The following LRIG3 variants were observed in gnomAD, a reference collection of about 807,000 sequenced individuals.
LRIG3 encodes the protein leucine-rich repeats and immunoglobulin-like domains protein 3.
Under a neutral mutation model 114.5 loss-of-function variants are expected in LRIG3, and 76 were observed. That is an observed-to-expected ratio of 0.66 (90% confidence interval 0.55 to 0.80). LRIG3 has a LOEUF of 0.80. LRIG3 is among the 30% of genes least tolerant of loss of function. The probability of loss-of-function intolerance (pLI) is 0.00; values close to 1 mark genes in which losing one functional copy is unlikely to be tolerated. For synonymous variants in LRIG3, 512 were observed against 519.8 expected (o/e 0.98, Z 0.20); for missense variants, 1,239 against 1,382.8 (o/e 0.90, Z 1.65).
intron 3 of LRIG3, among the ~76,000 whole-genome samples, chr12:58,900,323 G>A (rs964440601): frequency 1.3e-5 from 2 of 149,246 alleles, no homozygotes; most frequent in African/African-American, 5.0e-5. Flanking sequence ...ATTTCTCTAA[G>A]TCAGTTACAA....
intron 3 of LRIG3, among the ~76,000 whole-genome samples, chr12:58,910,812 A>G (rs1249959536): frequency 6.6e-6 from 1 of 152,232 alleles, no homozygotes; most frequent in Non-Finnish European, 1.5e-5. Context: ...ACAATGCTGT[A>G]GAACTCACAG....
intron 12 of LRIG3, among the ~76,000 whole-genome samples, chr12:58,881,933 A>G (rs1157982873): frequency 6.6e-6 from 1 of 152,222 alleles, no homozygotes; most frequent in Non-Finnish European, 1.5e-5. Flanking sequence ...TCTTGGGACT[A>G]AAAAACTATG....
chr12:58,910,614 A>G (rs1872240805), intron 3 of LRIG3, among the ~76,000 whole-genome samples: 1 of 152,132 alleles, frequency 6.6e-6, no homozygotes, highest in South Asian at 2.1e-4. Flanking sequence ...TCTCAAAAAA[A>G]AACAAAAACA....
At chr12:58,875,605 AC>A (rs1565612991) in intron 16 of LRIG3, among the ~76,000 whole-genome samples, 2 of 152,222 alleles carry the variant, frequency 1.3e-5, no homozygotes, top group African/African-American at 4.8e-5. Context: ...TTGCACAAGT[AC>A]CTCACCAGAA....
intron 3 of LRIG3, among the ~76,000 whole-genome samples, chr12:58,904,671 T>G (rs1592308121): frequency 6.6e-6 from 1 of 152,152 alleles, no homozygotes; most frequent in Non-Finnish European, 1.5e-5. Flanking sequence ...ACAAGTCTTA[T>G]TAAGGAAAAC....
In LRIG3 at chr12:58,880,345, C is replaced by T; in HGVS notation, c.1801+236G>A. 10 of 644,002 alleles carry T rather than the reference C, an allele frequency of 1.6e-5. No homozygotes were observed. In the South Asian group the frequency reaches 1.7e-4, roughly 11 times the overall value. The allele number at this position is 644,002 out of a possible 1,614,324, so 39.9% of individuals were successfully genotyped here. On this transcript the variant is annotated intron_variant, in intron 13 of 18. Transcript: ENST00000320743. ...GAAAAAAAAAAGAGCAAAAACATGT[C>T]TGGTTCATCTCTGTGTTACTCACCA... is the stretch of plus-strand genomic sequence containing the variant.
rs1171739434 is a variant in LRIG3 at position 58,880,645 on chromosome 12, A to T, written c.1737T>A (p.Tyr579Ter). ...CAAAGTGATTGGAGATGACACACTG[A>T]TATTTCCCCTCACTGGCAAATTCCA... The part of the protein sequence containing the change: ...REVEFASEGK[Y>*]QCVISNHFGS... Residue 579 changes from tyrosine to a stop codon, truncating the protein, a stop_gained, in exon 13 of 19, where the codon TAT becomes TAA. Coordinates refer to ENST00000320743, the MANE Select transcript of LRIG3 (RefSeq NM_153377.5). LOFTEE classifies it high-confidence loss of function. 1 of 1,614,142 alleles carries T rather than the reference A, an allele frequency of 6.2e-7. No homozygotes were observed.
intron 18 of LRIG3, 37 bp from the exon 19 acceptor site, chr12:58,872,853 T>C (rs754355006): frequency 2.5e-6 from 4 of 1,586,568 alleles, no homozygotes; most frequent in South Asian, 2.3e-5. Flanking sequence ...ATGGGTCCCT[T>C]TGCTAGCATG....
chr12:58,907,481 T>C (rs1169809290), intron 3 of LRIG3, among the ~76,000 whole-genome samples: 1 of 152,206 alleles, frequency 6.6e-6, no homozygotes, highest in African/African-American at 2.4e-5. Context: ...ATTCCTCCTG[T>C]GACCCTCCCA....
intron 16 of LRIG3, among the ~76,000 whole-genome samples, 175 bp from the exon 17 acceptor site, chr12:58,874,748 A>G (rs1870861095): frequency 6.6e-6 from 1 of 152,216 alleles, no homozygotes; most frequent in African/African-American, 2.4e-5. Context: ...GGACTTAATT[A>G]GCCATTGTGC....
rs1396115563 is a variant in LRIG3 at position 58,872,164 on chromosome 12, C to T, written c.*408G>A. 2 of 152,524 alleles carry T rather than the reference C, an allele frequency of 1.3e-5. No individual in the cohort carries two copies. The highest frequency in any genetic ancestry group is 6.5e-5 in the Admixed American group (1 of 15,298). 9.4% of individuals were successfully genotyped at this position (152,524 alleles called of 1,614,324 possible). Reference sequence around the variant, plus strand: ...TAAATGGGGCTTGGCATCAAATTGACACATTTTATTAAATATAATGTGCAA... The same window carrying T: ...TAAATGGGGCTTGGCATCAAATTGATACATTTTATTAAATATAATGTGCAA... On this transcript the variant is annotated 3_prime_UTR_variant, in exon 19 of 19. Transcript: ENST00000320743.
rs1870758625 is a variant in LRIG3 at position 58,872,155 on chromosome 12, T to C, written c.*417A>G. ...GTTATTGTATAAATGGGGCTTGGCATCAAATTGACACATTTTATTAAATAT... is the reference window on the plus strand; with the variant it reads ...GTTATTGTATAAATGGGGCTTGGCACCAAATTGACACATTTTATTAAATAT... On this transcript the variant is annotated 3_prime_UTR_variant, in exon 19 of 19. Transcript: ENST00000320743. 6.6e-6 allele frequency: 1 copy of C among 152,608 alleles called. No individual in the cohort carries two copies. The highest frequency in any genetic ancestry group is 2.4e-5 in the African/African-American group (1 of 41,450). 9.5% of individuals were successfully genotyped at this position (152,608 alleles called of 1,614,324 possible).
At chr12:58,904,861 G>A (rs1321189245) in intron 3 of LRIG3, among the ~76,000 whole-genome samples, 2 of 152,166 alleles carry the variant, frequency 1.3e-5, no homozygotes, top group Non-Finnish European at 2.9e-5. Context: ...TTTCATTTTG[G>A]TGGGGGAAAC....
chr12:58,918,760 T>C (rs570874162), intron 1 of LRIG3, among the ~76,000 whole-genome samples: 31 of 152,306 alleles, frequency 2.0e-4, no homozygotes, highest in Non-Finnish European at 4.1e-4. Context: ...CCTCTTCCAA[T>C]TGCAATAAAA....
chr12:58,887,068 C>T (rs1474188907), intron 8 of LRIG3, 178 bp from the exon 9 acceptor site: 1 of 528,084 alleles, frequency 1.9e-6, no homozygotes, highest in African/African-American at 2.0e-5. Context: ...GCCTGATTCC[C>T]TCAACAACAT....
intron 3 of LRIG3, among the ~76,000 whole-genome samples, chr12:58,896,241 C>T (rs1303219045): frequency 6.6e-6 from 1 of 152,190 alleles, no homozygotes; most frequent in Non-Finnish European, 1.5e-5. Flanking sequence ...TAAAATATAA[C>T]TTATGAGGTT....
At chr12:58,886,004 A>AT (rs1400940506) in intron 9 of LRIG3, 102 bp from the exon 10 acceptor site, 1 of 525,324 alleles carries the variant, frequency 1.9e-6, no homozygotes, top group Non-Finnish European at 3.4e-6. Context: ...GAGCAATTCC[A>AT]TTTTCTTCAA....
At chr12:58,893,877 C>G (rs1182547930) in intron 3 of LRIG3, among the ~76,000 whole-genome samples, 2 of 152,104 alleles carry the variant, frequency 1.3e-5, no homozygotes, top group East Asian at 3.9e-4. Context: ...CCCAGGCTGT[C>G]TGAGGCAAGT....
At chr12:58,912,095 G>A (rs1470222313) in intron 3 of LRIG3, among the ~76,000 whole-genome samples, 2 of 152,186 alleles carry the variant, frequency 1.3e-5, no homozygotes, top group African/African-American at 2.4e-5. Context: ...TTGCTAAAGT[G>A]AAACACAAAA....
Sources: allele counts gnomAD v4.1 joint callset (sites outside exome capture counted in the v4.1 genomes callset), GRCh38; gene constraint gnomAD v4.1.1; transcripts MANE v1.5; gene names NCBI Gene and HGNC (gene_info 2026-07-23, HGNC 2026-07-21).